ACMSD: variants seen among roughly 807,000 people sequenced by gnomAD.
ACMSD encodes the protein aminocarboxymuconate semialdehyde decarboxylase, also known as 2-amino-3-carboxymuconate-6-semialdehyde decarboxylase.
In ACMSD, 37 loss-of-function variants were observed where a neutral mutation model predicts 45.9. The ratio of observed to expected loss-of-function variants is 0.81; its 90% CI spans 0.62 to 1.06. The LOEUF (loss-of-function observed/expected upper bound fraction) is 1.06. ACMSD is among the 50% of genes least tolerant of loss of function. ACMSD has a pLI of 0.00. For missense variants in ACMSD, 434 were observed against 420.9 expected (o/e 1.03, Z -0.27); for synonymous variants, 138 against 148.8 (o/e 0.93, Z 0.53).
chr2:134,846,646 G>A (rs991831129), intron 2 of ACMSD, among the ~76,000 whole-genome samples: 4 of 152,050 alleles, frequency 2.6e-5, no homozygotes, highest in Non-Finnish European at 4.4e-5. Flanking sequence ...GCCTCAAGTG[G>A]TCCTCCCACT....
In ACMSD at chr2:134,873,512, T is replaced by C. The variant is rs187377434; in HGVS notation, c.849+871T>C. On this transcript the variant is annotated intron_variant, in intron 8 of 9. Transcript: ENST00000356140. Reference sequence around the variant, plus strand: ...AAAGTATATAGACATATTTAAAAATTTGCAATATGGTACTTGAGTTTAGAC... The same window carrying C: ...AAAGTATATAGACATATTTAAAAATCTGCAATATGGTACTTGAGTTTAGAC... 7.9e-5 allele frequency: 12 copies of C among 152,284 alleles called. No homozygotes were observed. The East Asian group carries it at 9.7e-4, about 12-fold the overall frequency. The allele number at this position is 152,284 out of a possible 1,614,324, so 9.4% of individuals were successfully genotyped here. A position where few individuals can be genotyped will look rare whatever the true frequency, so the allele number is the denominator to read the frequency against.
In ACMSD at chr2:134,850,521, T is replaced by TC. The variant is rs1423621095; in HGVS notation, c.102+5250dup. On this transcript the variant is annotated intron_variant, in intron 2 of 9. Coordinates refer to ENST00000356140, the MANE Select transcript of ACMSD (RefSeq NM_138326.3). ...GACCTCAAGTGATCCACCTGCTTCG[T>TC]CCCCCCAGAGTGCTAGGATTATAGG... 2.0e-5 allele frequency among the ~76,000 whole-genome samples: 3 copies of TC among 152,044 alleles called. No individual in the cohort carries two copies. The East Asian group carries it at 5.8e-4, about 29-fold the overall frequency.
intron 2 of ACMSD, among the ~76,000 whole-genome samples, chr2:134,852,674 C>T (rs1687398415): frequency 6.6e-6 from 1 of 152,100 alleles, no homozygotes; most frequent in South Asian, 2.1e-4. Flanking sequence ...GGGAGCTGTC[C>T]TTCAGAACCT....
rs1246772272 is a variant in ACMSD, at chr2:134,841,340, ACTG to A, written c.57+2608_57+2610del. ...CTTGAGAAAACTGGCCCAAGAGAGT[ACTG>A]CTGCTGGAATAACCTTGACCTTCTT... On this transcript the variant is annotated intron_variant, in intron 1 of 9. Transcript: ENST00000356140. 5.9e-5 allele frequency among the ~76,000 whole-genome samples: 9 copies of A among 152,304 alleles called. No individual in the cohort carries two copies. In the East Asian group the frequency reaches 1.7e-3, roughly 29 times the overall value.
intron 2 of ACMSD, among the ~76,000 whole-genome samples, chr2:134,858,643 T>C (rs556848035): frequency 4.4e-4 from 67 of 152,240 alleles, no homozygotes; most frequent in African/African-American, 1.6e-3. Flanking sequence ...GCAATTTTTA[T>C]TTGTCATTTA....
At chr2:134,883,169 T>C (rs1046211197) in intron 8 of ACMSD, among the ~76,000 whole-genome samples, 1 of 152,030 alleles carries the variant, frequency 6.6e-6, no homozygotes, top group African/African-American at 2.4e-5. Context: ...CCTACTAAAA[T>C]GGAGATGTTG....
intron 8 of ACMSD, among the ~76,000 whole-genome samples, chr2:134,889,214 G>A (rs1160256579): frequency 6.6e-6 from 1 of 152,046 alleles, no homozygotes; most frequent in African/African-American, 2.4e-5. Flanking sequence ...TGTTTGGATT[G>A]GAAATGGATA....
intron 8 of ACMSD, among the ~76,000 whole-genome samples, chr2:134,893,768 A>G (rs1559070317): frequency 6.6e-6 from 1 of 152,240 alleles, no homozygotes; most frequent in Non-Finnish European, 1.5e-5. Flanking sequence ...AGAATGAAGG[A>G]GAAATTAAGA....
intron 8 of ACMSD, among the ~76,000 whole-genome samples, chr2:134,889,528 T>C (rs1279969992): frequency 1.3e-5 from 2 of 152,088 alleles, no homozygotes; most frequent in Non-Finnish European, 2.9e-5. Context: ...AGGTCAAAAA[T>C]AGTTTTAAAG....
intron 1 of ACMSD, among the ~76,000 whole-genome samples, chr2:134,843,837 G>A (rs1213950892): frequency 1.3e-5 from 2 of 152,210 alleles, no homozygotes; most frequent in Non-Finnish European, 2.9e-5. Flanking sequence ...TCTGACCCCA[G>A]GACTACCTTT....
intron 8 of ACMSD, among the ~76,000 whole-genome samples, chr2:134,879,437 T>G (rs1378200342): frequency 6.6e-6 from 1 of 152,236 alleles, no homozygotes; most frequent in Non-Finnish European, 1.5e-5. Flanking sequence ...TCCCACATTT[T>G]CAGGTTTTTG....
At chr2:134,866,351 T>C (rs1427286152) in intron 5 of ACMSD, among the ~76,000 whole-genome samples, 2 of 152,174 alleles carry the variant, frequency 1.3e-5, no homozygotes, top group African/African-American at 4.8e-5. Context: ...TGTATCCAAA[T>C]GAGGAGTCAA....
At chr2:134,871,682 G>GACAGACACACACACACACAC (rs1491364344) in intron 7 of ACMSD, among the ~76,000 whole-genome samples, 17 of 139,006 alleles carry the variant, frequency 1.2e-4, no homozygotes, top group Middle Eastern at 7.1e-3. Context: ...TCAACAGACA[G>GACAGACACACACACACACAC]ACACACACAC....
chr2:134,854,322 T>A (rs1285685147), intron 2 of ACMSD, among the ~76,000 whole-genome samples: 1 of 152,172 alleles, frequency 6.6e-6, no homozygotes, highest in Non-Finnish European at 1.5e-5. Context: ...CTCTAGTTAG[T>A]TTAATTAGAA....
intron 3 of ACMSD, 22 bp downstream of exon 3, chr2:134,859,379 A>C: frequency 6.3e-7 from 1 of 1,599,972 alleles, no homozygotes; most frequent in East Asian, 2.2e-5. Flanking sequence ...AGTGCTACCA[A>C]TGTTAGCATC....
intron 3 of ACMSD, chr2:134,859,809 G>C (rs1339467552): frequency 6.6e-6 from 1 of 152,176 alleles, no homozygotes; most frequent in African/African-American, 2.4e-5. Flanking sequence ...GGTTGGAAAT[G>C]GAAGCAGTTA....
intron 8 of ACMSD, among the ~76,000 whole-genome samples, chr2:134,882,696 C>G (rs1689106398): frequency 1.3e-5 from 2 of 152,256 alleles, no homozygotes; most frequent in South Asian, 4.1e-4. Context: ...TATGTTATAA[C>G]AGAGTATGCT....
intron 6 of ACMSD, among the ~76,000 whole-genome samples, chr2:134,869,411 C>G (rs1688306304): frequency 6.6e-6 from 1 of 152,054 alleles, no homozygotes. Context: ...CAGGGTTTCA[C>G]CATGTTGGCC....
At chr2:134,852,298 C>A (rs1249059901) in intron 2 of ACMSD, among the ~76,000 whole-genome samples, 1 of 152,076 alleles carries the variant, frequency 6.6e-6, no homozygotes, top group South Asian at 2.1e-4. Context: ...TTACTCTGAC[C>A]ACTTTGTGGA....
Sources: allele counts gnomAD v4.1 joint callset (sites outside exome capture counted in the v4.1 genomes callset), GRCh38; gene constraint gnomAD v4.1.1; transcripts MANE v1.5; gene names NCBI Gene and HGNC (gene_info 2026-07-23, HGNC 2026-07-21).